CPNE4: variants seen among roughly 807,000 people sequenced by gnomAD.
CPNE4 encodes copine-4.
A neutral mutation model predicts 67.9 loss-of-function variants in CPNE4; 25 were observed. The observed-to-expected ratio is 0.37, with a 90% CI of 0.27 to 0.51. The LOEUF (loss-of-function observed/expected upper bound fraction) is 0.51, where lower values mean the gene tolerates loss of function less well. Ranked by LOEUF, CPNE4 falls within the 20% of genes least tolerant of loss-of-function variation. The pLI, the probability that CPNE4 is intolerant of heterozygous loss-of-function variation, is 0.93. For missense variants in CPNE4, 464 were observed against 690.8 expected (o/e 0.67, Z 3.68); for synonymous variants, 242 against 244.9 (o/e 0.99, Z 0.11).
rs781529512 is a variant in CPNE4 at position 131,564,313 on chromosome 3, T to C, written c.964A>G (p.Arg322Gly). Residue 322 changes from arginine (R) to glycine (G), a missense_variant, in exon 11 of 16, where the codon AGG (arginine) becomes GGG (glycine). Transcript: ENST00000429747. ...IDFTASNGDP[R>G]NSCSLHYIHP... ...ATGTAGTGCAAGGAACAGCTGTTCCTGGGGTCCCCGTTTGAGGCAGTGAAA... is the reference window on the plus strand; with the variant it reads ...ATGTAGTGCAAGGAACAGCTGTTCCCGGGGTCCCCGTTTGAGGCAGTGAAA... The C allele has an allele frequency of 6.2e-7, 1 of 1,612,762 alleles. No homozygotes were observed. The highest frequency in any genetic ancestry group is 1.1e-5 in the South Asian group (1 of 90,990).
chr3:131,953,709 A>G (rs1299862385), intron 1 of CPNE4, among the ~76,000 whole-genome samples: 2 of 152,210 alleles, frequency 1.3e-5, no homozygotes, highest in African/African-American at 4.8e-5. Context: ...AGTTTACCAC[A>G]TGGAGTTAGA....
chr3:131,824,105 G>A (rs2085062475), intron 2 of CPNE4, among the ~76,000 whole-genome samples: 1 of 152,116 alleles, frequency 6.6e-6, no homozygotes, highest in Non-Finnish European at 1.5e-5. Flanking sequence ...CTAATGAGTT[G>A]AACAAGTCTT....
chr3:131,886,423 T>A (rs184399619), intron 2 of CPNE4, among the ~76,000 whole-genome samples: 75 of 152,322 alleles, frequency 4.9e-4, no homozygotes, highest in African/African-American at 1.6e-3. Flanking sequence ...GGGGCTATCA[T>A]GGGGAACCTT....
At chr3:131,944,545 C>A (rs1292509625) in intron 1 of CPNE4, among the ~76,000 whole-genome samples, 1 of 151,930 alleles carries the variant, frequency 6.6e-6, no homozygotes, top group Non-Finnish European at 1.5e-5. Flanking sequence ...AGGCCCTCAG[C>A]TGGTTATCTG....
chr3:132,033,312 G>A (rs2074275522), intron 1 of CPNE4, among the ~76,000 whole-genome samples: 1 of 152,196 alleles, frequency 6.6e-6, no homozygotes, highest in Non-Finnish European at 1.5e-5. Context: ...AGTTGGTTTT[G>A]CATAGTTTTG....
intron 2 of CPNE4, among the ~76,000 whole-genome samples, chr3:131,735,167 T>C (rs1255759104): frequency 6.6e-6 from 1 of 152,018 alleles, no homozygotes; most frequent in Non-Finnish European, 1.5e-5. Context: ...AACAAAATTC[T>C]AAAAAAACAG....
In CPNE4 at chr3:131,622,156, G is replaced by T. The variant is rs111750623; in HGVS notation, c.682-34574C>A. On this transcript the variant is annotated intron_variant, in intron 7 of 15. Transcript: ENST00000429747. The stretch of plus-strand genomic sequence containing the variant: ...TCCTGAGTCTCTGTAACTCAGAGAC[G>T]GTTTATTATTTGTAAGCATTGGCCT... 3.9e-3 allele frequency among the ~76,000 whole-genome samples: 595 copies of T among 152,102 alleles called. 6 individuals carry two copies. Among genetic ancestry groups the T allele is most frequent in the Middle Eastern group, 0.037 (11 of 294 alleles).
intron 7 of CPNE4, among the ~76,000 whole-genome samples, chr3:131,616,119 T>A (rs938665109): frequency 2.0e-5 from 3 of 152,100 alleles, no homozygotes; most frequent in Admixed American, 6.6e-5. Context: ...CCAGAGCCTA[T>A]GAGGTGACTT....
chr3:131,815,412 A>C (rs977386603), intron 2 of CPNE4, among the ~76,000 whole-genome samples: 1 of 152,236 alleles, frequency 6.6e-6, no homozygotes, highest in Admixed American at 6.5e-5. Flanking sequence ...TCGCATTCAC[A>C]CACAAGATTT....
chr3:131,536,778 C>T (rs186093005), intron 15 of CPNE4, among the ~76,000 whole-genome samples: 182 of 152,268 alleles, frequency 1.2e-3, no homozygotes, highest in Non-Finnish European at 2.1e-3. Context: ...TTATAAATAA[C>T]TGCTCAGGGT....
At chr3:131,759,830 C>T (rs1377733036) in intron 2 of CPNE4, among the ~76,000 whole-genome samples, 2 of 152,132 alleles carry the variant, frequency 1.3e-5, no homozygotes, top group African/African-American at 4.8e-5. Flanking sequence ...AGCACTATTC[C>T]TCCCACAAAT....
chr3:132,001,553 GAGAAAGAAAGAA>G (rs763509045), intron 1 of CPNE4, among the ~76,000 whole-genome samples: 3,830 of 101,828 alleles, frequency 0.038, 134 homozygotes, highest in African/African-American at 0.055. Flanking sequence ...AAAGAAAAAA[GAGAAAGAAAGAA>G]AGAAAGAAAG....
intron 1 of CPNE4, among the ~76,000 whole-genome samples, chr3:131,961,290 T>C (rs1327504256): frequency 6.6e-6 from 1 of 152,204 alleles, no homozygotes; most frequent in African/African-American, 2.4e-5. Flanking sequence ...TTAAATCTTA[T>C]ATCCTAAGGG....
chr3:131,655,556 A>G (rs1253184859), intron 7 of CPNE4, among the ~76,000 whole-genome samples: 2 of 152,176 alleles, frequency 1.3e-5, no homozygotes, highest in East Asian at 1.9e-4. Context: ...GATAGCTGTC[A>G]TGAAAGGTTT....
At chr3:131,850,249 G>T (rs2107642078) in intron 2 of CPNE4, among the ~76,000 whole-genome samples, 1 of 152,126 alleles carries the variant, frequency 6.6e-6, no homozygotes, top group East Asian at 1.9e-4. Flanking sequence ...AAGGGTTTTT[G>T]ATGTAGGGTT....
chr3:132,029,945 A>G (rs1416604086), intron 1 of CPNE4, among the ~76,000 whole-genome samples: 1 of 152,232 alleles, frequency 6.6e-6, no homozygotes, highest in East Asian at 1.9e-4. Context: ...AGCTAAGTCT[A>G]TGCATGAGCA....
chr3:131,932,428 A>C (rs893225637), intron 1 of CPNE4, among the ~76,000 whole-genome samples: 1 of 152,130 alleles, frequency 6.6e-6, no homozygotes, highest in Non-Finnish European at 1.5e-5. Flanking sequence ...CTCATGATTA[A>C]GTGGAACACA....
intron 2 of CPNE4, among the ~76,000 whole-genome samples, chr3:131,904,114 G>A (rs562862634): frequency 1.2e-4 from 19 of 152,152 alleles, no homozygotes; most frequent in Non-Finnish European, 2.4e-4. Flanking sequence ...AGGAGCAGCT[G>A]CCTTGCACAA....
chr3:131,867,500 C>G (rs1265032978), intron 2 of CPNE4, among the ~76,000 whole-genome samples: 1 of 144,538 alleles, frequency 6.9e-6, no homozygotes, highest in East Asian at 2.0e-4. Context: ...AATTTTAACT[C>G]CAGTCCTGAA....
Sources: gnomAD v4.1 joint callset for allele counts (sites outside exome capture counted in the v4.1 genomes callset) on GRCh38, gnomAD v4.1.1 for gene constraint, MANE v1.5 for transcripts, NCBI Gene and HGNC (gene_info 2026-07-23, HGNC 2026-07-21) for gene names.